SLC12A7: variants seen among roughly 807,000 people sequenced by gnomAD.
The protein encoded by SLC12A7 is K-Cl cotransporter 4.
In SLC12A7, 100 loss-of-function variants were observed where a neutral mutation model predicts 120.6. That is an observed-to-expected ratio of 0.83 (90% CI 0.71 to 0.98). The LOEUF (loss-of-function observed/expected upper bound fraction) is 0.98, where lower values mean the gene tolerates loss of function less well. SLC12A7 is among the 50% of genes least tolerant of loss of function. SLC12A7 has a pLI of 0.00. For synonymous variants in SLC12A7, 760 were observed against 678.0 expected (o/e 1.12, Z -1.88); for missense variants, 1,373 against 1,548.1 (o/e 0.89, Z 1.90).
rs1024967091 is a variant in SLC12A7 at position 1,099,416 on chromosome 5, T to C, written c.125-5168A>G. On this transcript the variant is annotated intron_variant, in intron 1 of 23. Coordinates refer to ENST00000264930, the MANE Select transcript of SLC12A7 (RefSeq NM_006598.3). Reference sequence around the variant, plus strand: ...AGGGCCCGACCCGGTCCACCTCCTCTGGGGCACGGACATCAACCCAGCCCC... The same window carrying C: ...AGGGCCCGACCCGGTCCACCTCCTCCGGGGCACGGACATCAACCCAGCCCC... Among the ~76,000 whole-genome samples the C allele has an allele frequency of 1.9e-4, 28 of 150,728 alleles. No homozygotes were observed. In the East Asian group the frequency reaches 4.7e-3, roughly 25 times the overall value.
chr5:1,093,560 G>C lies in SLC12A7; in HGVS notation c.315C>G (p.Asp105Glu). 1 of 1,602,826 alleles carries C rather than the reference G, an allele frequency of 6.2e-7. No individual in the cohort carries two copies. The highest frequency in any genetic ancestry group is 8.5e-7 in the Non-Finnish European group (1 of 1,175,656). ...TGGCCTCCCGCCGCCGGCTCTCCTC[G>C]TCCTCCTCGTGCTCCACCACGCCCT... ...LSQGVVEHEE[D>E]EESRRREAKA... The change falls in exon 3 of 24, where the codon GAC becomes GAG. Residue 105 changes from aspartate to glutamate, a missense_variant. Coordinates refer to ENST00000264930, the MANE Select transcript of SLC12A7 (RefSeq NM_006598.3).
intron 10 of SLC12A7, 56 bp downstream of exon 10, chr5:1,079,342 G>T: frequency 7.2e-7 from 1 of 1,389,992 alleles, no homozygotes; most frequent in Non-Finnish European, 1.0e-6. Flanking sequence ...GGGAGGGCAT[G>T]GGGGCCTCCC....
chr5:1,094,249 C>T lies in SLC12A7; in HGVS notation c.125-1G>A, dbSNP rs1740859968. 1 of 1,608,236 alleles carries T rather than the reference C, an allele frequency of 6.2e-7. No homozygotes were observed. The highest frequency in any genetic ancestry group is 1.7e-5 in the Admixed American group (1 of 60,004). The stretch of plus-strand genomic sequence containing the variant: ...CTGTTTTCTCTTGGATTTCCATCTC[C>T]TAGTGAGGGAAAAACAATTCAGAGT... On this transcript the variant is annotated splice_acceptor_variant, in intron 1 of 23. Transcript: ENST00000264930. LOFTEE classifies it high-confidence loss of function.
At position 1,063,891 on chromosome 5, in the gene SLC12A7, A is replaced by G; in HGVS notation, c.2692T>C (p.Phe898Leu). The G allele has an allele frequency of 6.2e-7, 1 of 1,611,726 alleles. No individual in the cohort carries two copies. Among genetic ancestry groups the G allele is most frequent in the South Asian group, 1.1e-5 (1 of 91,010 alleles). Residue 898 changes from phenylalanine (F) to leucine (L), a missense_variant, in exon 20 of 24, where the codon TTC becomes CTC. Coordinates refer to ENST00000264930, the MANE Select transcript of SLC12A7 (RefSeq NM_006598.3). ...SIQMKKDLQM[F>L]LYHLRISAEV... Reference sequence around the variant, plus strand: ...GCGCTGATGCGCAAGTGGTACAAGAACATCTGCAGGTCCTTCTTCATCTGG... The same window carrying G: ...GCGCTGATGCGCAAGTGGTACAAGAGCATCTGCAGGTCCTTCTTCATCTGG...
intron 1 of SLC12A7, among the ~76,000 whole-genome samples, chr5:1,103,988 C>T (rs1272708138): frequency 6.6e-6 from 1 of 152,208 alleles, no homozygotes; most frequent in Non-Finnish European, 1.5e-5. Flanking sequence ...TGAAGGAAGG[C>T]GGGAGAGGCA....
intron 17 of SLC12A7, among the ~76,000 whole-genome samples, chr5:1,067,162 C>T (rs1007299885): frequency 6.6e-6 from 1 of 152,208 alleles, no homozygotes; most frequent in African/African-American, 2.4e-5. Flanking sequence ...CCCAGCTGCC[C>T]GGGCGCAAGA....
At chr5:1,056,415 G>A (rs373557710) in intron 22 of SLC12A7, among the ~76,000 whole-genome samples, 33 of 152,242 alleles carry the variant, frequency 2.2e-4, no homozygotes, top group African/African-American at 7.2e-4. Flanking sequence ...CGTGGGAGCC[G>A]CAGCAGCTCT....
chr5:1,075,372 C>A lies in SLC12A7; in HGVS notation c.1966G>T (p.Gly656Trp). 6.2e-7 allele frequency: 1 copy of A among 1,610,002 alleles called. No homozygotes were observed. The highest frequency in any genetic ancestry group is 8.5e-7 in the Non-Finnish European group (1 of 1,177,742). Reference protein sequence around the residue: ...GCIYKYIEYRGAEKEWGDGIR... With the variant: ...GCIYKYIEYRWAEKEWGDGIR... ...GTAAGGGGGGCTGACAGCGCTTACC[C>A]GCGGTACTCGATGTACTTGTAGATG... The change falls in exon 15 of 24, where the codon GGG (glycine) becomes TGG (tryptophan). Residue 656 changes from glycine to tryptophan, a missense_variant and splice_region_variant. Physicochemically the swap from Gly to Trp is radical, Grantham distance 184 (BLOSUM62 -2). Transcript: ENST00000264930.
At chr5:1,078,131 C>T in intron 11 of SLC12A7, 124 bp from the exon 12 acceptor site, 1 of 1,209,614 alleles carries the variant, frequency 8.3e-7, no homozygotes, top group Non-Finnish European at 1.1e-6. Flanking sequence ...AAAGCTGAGG[C>T]CCGGCCTCCA....
the SLC12A7 span, among the ~76,000 whole-genome samples, chr5:1,139,154 G>A: frequency 5.9e-5 from 9 of 152,244 alleles, no homozygotes; most frequent in Non-Finnish European, 8.8e-5. Context: ...CCCCATGGGC[G>A]TAGCCCACCA....
chr5:1,093,312 T>C (rs141537277), intron 3 of SLC12A7, among the ~76,000 whole-genome samples: 4,469 of 152,052 alleles, frequency 0.029, 95 homozygotes, highest in Non-Finnish European at 0.042. Context: ...CCCAGATGCA[T>C]GGGGGTGTCA....
intron 3 of SLC12A7, among the ~76,000 whole-genome samples, chr5:1,092,898 A>ACCTCAGGG (rs1740680491): frequency 6.6e-6 from 1 of 152,052 alleles, no homozygotes; most frequent in Non-Finnish European, 1.5e-5. Flanking sequence ...TGTGAGCGTC[A>ACCTCAGGG]CCTCAGGGCC....
chr5:1,143,035 G>A, the SLC12A7 span, among the ~76,000 whole-genome samples: 2 of 152,016 alleles, frequency 1.3e-5, no homozygotes, highest in South Asian at 4.2e-4. Flanking sequence ...CCCGTGCCGG[G>A]CACCACAGAG....
At chr5:1,059,934 G>A (rs1039956159) in intron 21 of SLC12A7, among the ~76,000 whole-genome samples, 5 of 152,236 alleles carry the variant, frequency 3.3e-5, no homozygotes, top group Non-Finnish European at 7.3e-5. Context: ...ATCGTAAGCA[G>A]CTGTGGGCAC....
intron 8 of SLC12A7, 60 bp downstream of exon 8, chr5:1,083,685 G>C: frequency 5.2e-6 from 8 of 1,547,242 alleles, no homozygotes; most frequent in Non-Finnish European, 7.1e-6. Flanking sequence ...GCAGCCACCA[G>C]GGCCAGCGCC....
chr5:1,155,882 T>TGCGGGGAGCGGGGACCTGAGC, the SLC12A7 span, among the ~76,000 whole-genome samples: 6 of 149,612 alleles, frequency 4.0e-5, no homozygotes, highest in African/African-American at 1.5e-4. Flanking sequence ...CCGCGACGGC[T>TGCGGGGAGCGGGGACCTGAGC]GCGGGGAGCG....
In SLC12A7 at chr5:1,076,702, G is replaced by T; in HGVS notation, c.1740C>A (p.Ile580=). Residue 580 remains isoleucine, a synonymous_variant, in exon 13 of 24, where the codon ATC becomes ATA. Transcript: ENST00000264930. ...LIASLDSVAP[I]LSMFFLMCYL... is the part of the protein sequence containing the mutation. ...GTCCTGTGGGGGCTCACATGGAGAG[G>T]ATCGGGGCCACGCTGTCCAGAGAGG... The T allele has an allele frequency of 1.2e-6, 2 of 1,610,000 alleles. No individual in the cohort carries two copies. The highest frequency in any genetic ancestry group is 1.3e-5 in the African/African-American group (1 of 74,970).
chr5:1,083,656 G>A (rs994839993), intron 8 of SLC12A7, 89 bp downstream of exon 8: 3 of 1,364,362 alleles, frequency 2.2e-6, no homozygotes, highest in Non-Finnish European at 3.1e-6. Flanking sequence ...GGGGCCCTGA[G>A]AGTGACTCTA....
At chr5:1,070,012 G>GTGAGC (rs1292359525) in intron 17 of SLC12A7, among the ~76,000 whole-genome samples, 6 of 53,138 alleles carry the variant, frequency 1.1e-4, no homozygotes, top group Admixed American at 2.0e-4. Context: ...TGAGCCCCCA[G>GTGAGC]CACACGGGCA....
Sources: allele counts gnomAD v4.1 joint callset (sites outside exome capture counted in the v4.1 genomes callset), GRCh38; gene constraint gnomAD v4.1.1; transcripts MANE v1.5; gene names NCBI Gene and HGNC (gene_info 2026-07-23, HGNC 2026-07-21).